The following EVL variants were observed in gnomAD, a reference collection of about 807,000 sequenced individuals.
EVL encodes Enah/Vasp-like.
In EVL, 21 loss-of-function variants were observed where a neutral mutation model predicts 59.6. The ratio of observed to expected loss-of-function variants is 0.35; its 90% CI spans 0.25 to 0.51. The LOEUF (loss-of-function observed/expected upper bound fraction) is 0.51. EVL is among the 20% of genes least tolerant of loss of function. The pLI is 0.97. For missense variants in EVL, 462 were observed against 546.6 expected (o/e 0.85, Z 1.54); for synonymous variants, 198 against 203.5 (o/e 0.97, Z 0.23).
chr14:100,105,314 T>C (rs1225100975), intron 3 of EVL, among the ~76,000 whole-genome samples: 1 of 152,112 alleles, frequency 6.6e-6, no homozygotes, highest in Non-Finnish European at 1.5e-5. Context: ...CCTTTTCACC[T>C]TTTGAATCTC....
At chr14:100,059,693 C>CTA (rs1165763980) in intron 1 of EVL, among the ~76,000 whole-genome samples, 1 of 151,778 alleles carries the variant, frequency 6.6e-6, no homozygotes, top group Non-Finnish European at 1.5e-5. Flanking sequence ...AACTGTCACA[C>CTA]TTTAGGAGTA....
At chr14:100,068,749 G>C (rs1043505647) in intron 1 of EVL, among the ~76,000 whole-genome samples, 6 of 152,170 alleles carry the variant, frequency 3.9e-5, no homozygotes, top group Non-Finnish European at 7.3e-5. Flanking sequence ...CTTTCACCAC[G>C]CTGGGGCAGC....
intron 5 of EVL, among the ~76,000 whole-genome samples, chr14:100,128,145 G>C (rs1179218385): frequency 6.6e-6 from 1 of 152,188 alleles, no homozygotes; most frequent in East Asian, 1.9e-4. Context: ...TTCTGCCTAG[G>C]GGGTGCTAGG....
In EVL at chr14:100,047,114, C is replaced by CTTTTTTTTTTTTTTTTTTTTTTTT. The variant is rs1379774654; in HGVS notation, c.6-37572_6-37571insTTTTTTTTTTTTTTTTTTTTTTTT. ...ATTTTGAGACCTTGGGCAGATCTCTCTCTCTTTTTTTTTTTTTTTTTTTTT... is the reference window on the plus strand; with the variant it reads ...ATTTTGAGACCTTGGGCAGATCTCTCTTTTTTTTTTTTTTTTTTTTTTTTTCTCTTTTTTTTTTTTTTTTTTTTT... On this transcript the variant is annotated intron_variant, in intron 1 of 13. Transcript: ENST00000402714. 6.2e-4 allele frequency among the ~76,000 whole-genome samples: 59 copies of CTTTTTTTTTTTTTTTTTTTTTTTT among 95,108 alleles called. 22 individuals are homozygous for CTTTTTTTTTTTTTTTTTTTTTTTT. The highest frequency in any genetic ancestry group is 0.013 in the Middle Eastern group (2 of 150). The allele number at this position is 95,108 out of a possible 152,430, so 62.4% of individuals were successfully genotyped here. A position where few individuals can be genotyped will look rare whatever the true frequency, so the allele number is the denominator to read the frequency against.
chr14:100,059,269 A>G (rs2061782494), intron 1 of EVL, among the ~76,000 whole-genome samples: 1 of 152,236 alleles, frequency 6.6e-6, no homozygotes, highest in Non-Finnish European at 1.5e-5. Flanking sequence ...GAGAGAAGAA[A>G]CACCATGAGA....
chr14:100,111,903 C>T (rs1415356115), intron 3 of EVL, among the ~76,000 whole-genome samples: 2 of 152,250 alleles, frequency 1.3e-5, no homozygotes, highest in Non-Finnish European at 2.9e-5. Context: ...GTGGACCAGA[C>T]TGCCTCTCAA....
chr14:100,132,572 A>T, intron 7 of EVL, 147 bp from the exon 8 acceptor site: 2 of 892,638 alleles, frequency 2.2e-6, no homozygotes, highest in Non-Finnish European at 3.7e-6. Flanking sequence ...GACGGGGCCT[A>T]GACAAGCCGC....
chr14:100,103,488 G>A (rs781606450), intron 3 of EVL, among the ~76,000 whole-genome samples: 38 of 152,024 alleles, frequency 2.5e-4, no homozygotes, highest in Non-Finnish European at 5.1e-4. Flanking sequence ...CTGTCTCCCC[G>A]CTTGGCCTCC....
At position 100,130,018 on chromosome 14, in the gene EVL, C is replaced by T. The variant is rs1888329984; in HGVS notation, c.839+334C>T. Among the ~76,000 whole-genome samples, 1 of 152,214 alleles carries T rather than the reference C, an allele frequency of 6.6e-6. No individual in the cohort carries two copies. The highest frequency in any genetic ancestry group is 6.5e-5 in the Admixed American group (1 of 15,282). ...AAAGAACAGTCCTTGCTCTTAAGATCCTAACAGAAATAAGATGTGGCCGCA... is the reference window on the plus strand; with the variant it reads ...AAAGAACAGTCCTTGCTCTTAAGATTCTAACAGAAATAAGATGTGGCCGCA... On this transcript the variant is annotated intron_variant, in intron 7 of 13. Coordinates refer to ENST00000392920, the MANE Select transcript of EVL (RefSeq NM_016337.3). This position sits in a 1 kb window ranked among gnomAD's most constrained non-coding sequence, Gnocchi z 4.8.
At chr14:99,990,245 A>T (rs1052418298) in intron 1 of EVL, among the ~76,000 whole-genome samples, 3 of 152,214 alleles carry the variant, frequency 2.0e-5, no homozygotes, top group African/African-American at 7.2e-5. Flanking sequence ...CTTTGCTCAG[A>T]TTCATCTTCT....
intron 3 of EVL, among the ~76,000 whole-genome samples, chr14:100,104,389 T>G (rs1214555029): frequency 1.3e-5 from 2 of 152,272 alleles, no homozygotes; most frequent in African/African-American, 4.8e-5. Context: ...TGGCTTTAGC[T>G]TCTCCTTTTC....
chr14:100,099,410 A>G (rs1052753335), intron 3 of EVL, among the ~76,000 whole-genome samples: 3 of 151,972 alleles, frequency 2.0e-5, no homozygotes, highest in African/African-American at 7.3e-5. Context: ...ACTGTAGGAG[A>G]GTTTTGTGGT....
chr14:100,140,969 G>T, intron 11 of EVL: 1 of 508,134 alleles, frequency 2.0e-6, no homozygotes, highest in Middle Eastern at 3.9e-4. Context: ...CTCGGGTTGG[G>T]AAATACAGTC....
intron 3 of EVL, among the ~76,000 whole-genome samples, chr14:100,099,341 C>G (rs1886042588): frequency 6.6e-6 from 1 of 152,146 alleles, no homozygotes; most frequent in Non-Finnish European, 1.5e-5. Flanking sequence ...CGAGTCCAGC[C>G]TGGACAACAT....
At chr14:100,076,448 C>T (rs912535232) in intron 1 of EVL, among the ~76,000 whole-genome samples, 3 of 152,204 alleles carry the variant, frequency 2.0e-5, no homozygotes, top group Non-Finnish European at 2.9e-5. Flanking sequence ...ATGGCCCCTG[C>T]CCTGGAGGCG....
intron 1 of EVL, among the ~76,000 whole-genome samples, chr14:100,079,986 G>C (rs903528529): frequency 3.3e-5 from 5 of 151,942 alleles, no homozygotes; most frequent in Non-Finnish European, 7.4e-5. Flanking sequence ...ATGCATTACT[G>C]ATTTCCTACA....
chr14:100,118,349 G>A (rs1887482618), intron 3 of EVL, among the ~76,000 whole-genome samples: 1 of 152,186 alleles, frequency 6.6e-6, no homozygotes, highest in Non-Finnish European at 1.5e-5. Flanking sequence ...CTTGAAGATG[G>A]CAGTACCTTG....
At chr14:100,137,428 G>A in intron 9 of EVL, 150 bp from the exon 10 acceptor site, 2 of 738,736 alleles carry the variant, frequency 2.7e-6, no homozygotes, top group Non-Finnish European at 2.3e-6. Flanking sequence ...CAAGGTGCCA[G>A]GTTTTGGCTT....
At chr14:100,006,534 G>A (rs542093351) in intron 1 of EVL, among the ~76,000 whole-genome samples, 7 of 152,022 alleles carry the variant, frequency 4.6e-5, no homozygotes, top group African/African-American at 7.2e-5. Flanking sequence ...TGATCCACCC[G>A]CCTTGGCCTC....
Sources: allele counts gnomAD v4.1 joint callset (sites outside exome capture counted in the v4.1 genomes callset), GRCh38; gene constraint gnomAD v4.1.1; non-coding constraint Gnocchi (gnomAD v3.1); transcripts MANE v1.5; gene names NCBI Gene and HGNC (gene_info 2026-07-23, HGNC 2026-07-21).